Variants in FILIP1L observed in about 807,000 individuals in gnomAD.
The protein encoded by FILIP1L is filamin A interacting protein 1 like, also known as filamin A-interacting protein 1-like.
In FILIP1L, 55 loss-of-function variants were observed where a neutral mutation model predicts 96.6. The observed-to-expected ratio is 0.57, with a 90% CI of 0.46 to 0.71. The LOEUF (loss-of-function observed/expected upper bound fraction) is 0.71, where lower values mean the gene tolerates loss of function less well. Among genes scored for constraint, FILIP1L ranks in the 30% least tolerant of loss-of-function variants. The pLI, the probability that FILIP1L is intolerant of heterozygous loss-of-function variation, is 0.00. For synonymous variants in FILIP1L, 467 were observed against 473.9 expected, an observed-to-expected ratio of 0.99 and a Z score of 0.19; for missense variants, 1,304 against 1,321.2, an observed-to-expected ratio of 0.99 and a Z score of 0.20.
chr3:99,884,823 G>GAAATC (rs1705841271), intron 4 of FILIP1L, among the ~76,000 whole-genome samples: 3 of 152,190 alleles, frequency 2.0e-5, no homozygotes, highest in Non-Finnish European at 1.5e-5. Flanking sequence ...CTGTTTACAG[G>GAAATC]TATAGATTTT....
At chr3:99,927,729 T>C (rs1349868742) in intron 3 of FILIP1L, among the ~76,000 whole-genome samples, 4 of 152,174 alleles carry the variant, frequency 2.6e-5, no homozygotes, top group African/African-American at 9.6e-5. Context: ...TTAATTTTTT[T>C]TTAAAATTAA....
intron 1 of FILIP1L, among the ~76,000 whole-genome samples, chr3:99,941,889 C>G (rs1465947482): frequency 1.3e-5 from 2 of 152,058 alleles, no homozygotes; most frequent in African/African-American, 4.8e-5. Flanking sequence ...ATCAACAATG[C>G]AATAGCATGT....
At chr3:100,056,521 T>C (rs542749923) in intron 1 of FILIP1L, among the ~76,000 whole-genome samples, 3 of 152,310 alleles carry the variant, frequency 2.0e-5, no homozygotes, top group East Asian at 3.9e-4. Context: ...AGAGATATCA[T>C]TAACATTTTA....
intron 1 of FILIP1L, among the ~76,000 whole-genome samples, chr3:100,002,964 C>A (rs1388441581): frequency 6.6e-6 from 1 of 152,160 alleles, no homozygotes; most frequent in Admixed American, 6.5e-5. Flanking sequence ...GCATCAGAGT[C>A]CAGGCGACAA....
At chr3:100,042,846 G>A (rs914273581) in intron 1 of FILIP1L, among the ~76,000 whole-genome samples, 1 of 152,082 alleles carries the variant, frequency 6.6e-6, no homozygotes, top group Non-Finnish European at 1.5e-5. Context: ...GACAGTTCAA[G>A]AAAAAAATGG....
chr3:99,910,986 A>G (rs981841960), intron 4 of FILIP1L, among the ~76,000 whole-genome samples: 2 of 152,176 alleles, frequency 1.3e-5, no homozygotes, highest in African/African-American at 4.8e-5. Flanking sequence ...CAGTTGAAAT[A>G]AATAGACGCT....
intron 1 of FILIP1L, among the ~76,000 whole-genome samples, chr3:99,971,006 AT>A (rs1238801985): frequency 6.6e-6 from 1 of 152,156 alleles, no homozygotes; most frequent in Non-Finnish European, 1.5e-5. Context: ...TTCACAAGAT[AT>A]TTAACAGCAA....
intron 1 of FILIP1L, among the ~76,000 whole-genome samples, chr3:99,949,292 G>T (rs774617898): frequency 1.3e-5 from 2 of 152,152 alleles, no homozygotes; most frequent in Non-Finnish European, 2.9e-5. Flanking sequence ...TGACATATTT[G>T]TATGATTCAG....
At chr3:99,948,268 C>G (rs913750821) in intron 1 of FILIP1L, among the ~76,000 whole-genome samples, 1 of 151,782 alleles carries the variant, frequency 6.6e-6, no homozygotes, top group African/African-American at 2.4e-5. Flanking sequence ...GTCTCACACC[C>G]GATCACTTGA....
At chr3:100,076,149 C>T (rs2065847138) in intron 1 of FILIP1L, among the ~76,000 whole-genome samples, 1 of 152,250 alleles carries the variant, frequency 6.6e-6, no homozygotes, top group African/African-American at 2.4e-5. Context: ...TTATCTTGCC[C>T]GGAAAACCCT....
intron 1 of FILIP1L, among the ~76,000 whole-genome samples, chr3:100,079,721 C>T (rs1364116680): frequency 1.3e-5 from 2 of 151,986 alleles, no homozygotes; most frequent in East Asian, 3.9e-4. Flanking sequence ...CCTGTATTCA[C>T]ACTTTAGAAC....
chr3:100,108,870 A>G (rs1302847195), intron 1 of FILIP1L, among the ~76,000 whole-genome samples: 10 of 152,088 alleles, frequency 6.6e-5, no homozygotes, highest in Admixed American at 6.6e-4. Context: ...CTATCTGAAT[A>G]CTAAAATCAG....
intron 5 of FILIP1L, among the ~76,000 whole-genome samples, chr3:99,839,138 A>G (rs1943022542): frequency 6.6e-6 from 1 of 151,838 alleles, no homozygotes; most frequent in Non-Finnish European, 1.5e-5. Flanking sequence ...CTCAATTCTC[A>G]TCTGTTTCTG....
At chr3:99,998,036 C>A (rs1001192541) in intron 1 of FILIP1L, among the ~76,000 whole-genome samples, 75 of 152,160 alleles carry the variant, frequency 4.9e-4, no homozygotes, top group African/African-American at 1.8e-3. Flanking sequence ...GTGTGGAAAA[C>A]TTGTGGAAAC....
chr3:100,015,621 A>G (rs1459595103), intron 1 of FILIP1L, among the ~76,000 whole-genome samples: 1 of 152,210 alleles, frequency 6.6e-6, no homozygotes, highest in Non-Finnish European at 1.5e-5. Flanking sequence ...GAATGCTAAG[A>G]TTATTGAGTA....
At chr3:99,926,140 C>CATGTACTTGACTAGAA (rs1307894740) in intron 3 of FILIP1L, among the ~76,000 whole-genome samples, 1 of 152,216 alleles carries the variant, frequency 6.6e-6, no homozygotes, top group African/African-American at 2.4e-5. Flanking sequence ...TCCTAAAAAG[C>CATGTACTTGACTAGAA]ATGTACTTGA....
chr3:100,093,772 A>C (rs1211342804), intron 1 of FILIP1L, among the ~76,000 whole-genome samples: 2 of 152,222 alleles, frequency 1.3e-5, no homozygotes, highest in Admixed American at 1.3e-4. Flanking sequence ...TGTCACTTCA[A>C]AAACAGTATA....
intron 1 of FILIP1L, among the ~76,000 whole-genome samples, chr3:99,973,502 T>C (rs1304525116): frequency 6.6e-6 from 1 of 152,244 alleles, no homozygotes; most frequent in Non-Finnish European, 1.5e-5. Context: ...TTTTTTTCCT[T>C]ATTTTGAAAG....
chr3:99,829,366 G>A lies in FILIP1L; in HGVS notation c.*1048C>T, dbSNP rs573007047. ...GCACACCTTTCTCTCAATTCAATGA[G>A]AGAGTTTTCAGTGTGATGTAAAGAA... On this transcript the variant is annotated 3_prime_UTR_variant, in exon 6 of 6. Coordinates refer to ENST00000477258, the MANE Select transcript of FILIP1L (RefSeq NM_001387850.1). Among the ~76,000 whole-genome samples, 1 of 152,296 alleles carries A rather than the reference G, an allele frequency of 6.6e-6. No individual in the cohort carries two copies. Among genetic ancestry groups the A allele is most frequent in the South Asian group, 2.1e-4 (1 of 4,820 alleles).
Sources: allele counts gnomAD v4.1 joint callset (sites outside exome capture counted in the v4.1 genomes callset), GRCh38; gene constraint gnomAD v4.1.1; transcripts MANE v1.5; gene names NCBI Gene and HGNC (gene_info 2026-07-23, HGNC 2026-07-21).